The following KLF8 variants were observed in gnomAD, a reference collection of about 807,000 sequenced individuals.
KLF8 encodes Krueppel-like factor 8.
A neutral mutation model predicts 18.2 loss-of-function variants in KLF8; 10 were observed. That is an observed-to-expected ratio of 0.55 (90% confidence interval 0.34 to 0.93). The LOEUF (loss-of-function observed/expected upper bound fraction) is 0.93. Among genes scored for constraint, KLF8 ranks in the 40% least tolerant of loss-of-function variants. The probability of loss-of-function intolerance (pLI) is 0.02; values close to 1 mark genes in which losing one functional copy is unlikely to be tolerated. For missense variants in KLF8, 264 were observed against 277.9 expected, an observed-to-expected ratio of 0.95 and a Z score of 0.36; for synonymous variants, 109 against 97.3, an observed-to-expected ratio of 1.12 and a Z score of -0.71.
chrX:55,918,228 T>C, the KLF8 span, among the ~76,000 whole-genome samples: 1 of 111,805 alleles, frequency 8.9e-6, no homozygotes, highest in East Asian at 2.8e-4. Flanking sequence ...GCCTAGAACA[T>C]AGAAGGAACC....
chrX:56,235,533 C>T (rs2066463640), intron 1 of KLF8, among the ~76,000 whole-genome samples: 1 of 108,324 alleles, frequency 9.2e-6, no homozygotes, highest in African/African-American at 3.4e-5. Context: ...TCTCCTGCCT[C>T]AGCCTCCTGA....
the KLF8 span, among the ~76,000 whole-genome samples, chrX:55,983,539 G>A: frequency 9.0e-6 from 1 of 111,706 alleles, no homozygotes; most frequent in Non-Finnish European, 1.9e-5. Context: ...TCTACTCCAT[G>A]TCATACTTAC....
the KLF8 span, among the ~76,000 whole-genome samples, chrX:55,981,686 C>G: frequency 5.4e-5 from 6 of 112,039 alleles, no homozygotes; most frequent in South Asian, 2.2e-3. Flanking sequence ...ATCTTTCCCA[C>G]AGCCTTCTTT....
At chrX:55,987,352 C>T in the KLF8 span, among the ~76,000 whole-genome samples, 1 of 110,254 alleles carries the variant, frequency 9.1e-6, no homozygotes, top group Non-Finnish European at 1.9e-5. Context: ...CCTCCCCCCT[C>T]CCCCAACCCC....
the KLF8 span, among the ~76,000 whole-genome samples, chrX:56,059,188 T>C: frequency 1.8e-5 from 2 of 112,181 alleles, no homozygotes; most frequent in African/African-American, 6.5e-5. Context: ...GCCCACTTTA[T>C]GATGGGGTGG....
chrX:56,148,306 C>G, the KLF8 span, among the ~76,000 whole-genome samples: 1 of 111,533 alleles, frequency 9.0e-6, no homozygotes, highest in African/African-American at 3.3e-5. Flanking sequence ...CTTTTCTTTA[C>G]TGTTGTGTTC....
At chrX:56,242,163 C>G (rs2066554687) in intron 1 of KLF8, among the ~76,000 whole-genome samples, 1 of 111,904 alleles carries the variant, frequency 8.9e-6, no homozygotes, top group Non-Finnish European at 1.9e-5. Context: ...TAGCACATTC[C>G]AAGGTAATTT....
the KLF8 span, among the ~76,000 whole-genome samples, chrX:56,217,877 C>T: frequency 9.0e-6 from 1 of 111,319 alleles, no homozygotes; most frequent in Non-Finnish European, 1.9e-5. Flanking sequence ...TGAAGAAGGA[C>T]GAGTGGTGGG....
chrX:56,221,295 T>C, the KLF8 span, among the ~76,000 whole-genome samples: 1 of 111,947 alleles, frequency 8.9e-6, no homozygotes, highest in Non-Finnish European at 1.9e-5. Flanking sequence ...TAGAGGCGCC[T>C]CCCCTGGCCT....
the KLF8 span, among the ~76,000 whole-genome samples, chrX:56,199,902 T>TA: frequency 9.0e-6 from 1 of 111,176 alleles, no homozygotes; most frequent in Non-Finnish European, 1.9e-5. Flanking sequence ...TATGCAGCCA[T>TA]AAAAAAGGAT....
At chrX:55,969,750 G>A in the KLF8 span, among the ~76,000 whole-genome samples, 1 of 111,563 alleles carries the variant, frequency 9.0e-6, no homozygotes, top group East Asian at 2.8e-4. Context: ...AGATTTAAAA[G>A]CAGACATTAC....
the KLF8 span, among the ~76,000 whole-genome samples, chrX:55,977,203 T>G: frequency 1.8e-5 from 2 of 112,128 alleles, no homozygotes; most frequent in Admixed American, 9.5e-5. Flanking sequence ...TTTCTAATCT[T>G]AGAGAAAAAG....
At chrX:56,080,473 G>A in the KLF8 span, among the ~76,000 whole-genome samples, 1 of 110,876 alleles carries the variant, frequency 9.0e-6, no homozygotes, top group South Asian at 3.8e-4. Context: ...GTTGAATATT[G>A]GCCCCCATTC....
At chrX:56,137,789 AG>A in the KLF8 span, among the ~76,000 whole-genome samples, 15 of 108,467 alleles carry the variant, frequency 1.4e-4, no homozygotes, top group Non-Finnish European at 3.8e-5. Flanking sequence ...CAAAAAAAAA[AG>A]AAAAAAGAAA....
the KLF8 span, among the ~76,000 whole-genome samples, chrX:56,211,138 T>A: frequency 8.9e-6 from 1 of 112,034 alleles, no homozygotes; most frequent in African/African-American, 3.2e-5. Context: ...TTTATTGTAG[T>A]CTCCACTGTC....
chrX:56,175,673 G>C, the KLF8 span, among the ~76,000 whole-genome samples: 1 of 111,303 alleles, frequency 9.0e-6, no homozygotes, highest in Admixed American at 9.6e-5. Context: ...CTGTCTCATT[G>C]ATCTGTCAGA....
the KLF8 span, among the ~76,000 whole-genome samples, chrX:55,996,559 C>T: frequency 9.0e-6 from 1 of 111,181 alleles, no homozygotes; most frequent in East Asian, 2.8e-4. Context: ...TATTTGATGC[C>T]CTTGAGGGTT....
chrX:56,048,487 G>T, the KLF8 span, among the ~76,000 whole-genome samples: 1 of 111,614 alleles, frequency 9.0e-6, no homozygotes, highest in Non-Finnish European at 1.9e-5. Context: ...TCTACATATG[G>T]CTAGCCAGTT....
At chrX:56,213,638 C>T in the KLF8 span, among the ~76,000 whole-genome samples, 1 of 110,782 alleles carries the variant, frequency 9.0e-6, no homozygotes, top group East Asian at 2.8e-4. Flanking sequence ...TGACCTATTT[C>T]ATATGGGTCA....
Sources: allele counts gnomAD v4.1 joint callset (sites outside exome capture counted in the v4.1 genomes callset), GRCh38; gene constraint gnomAD v4.1.1; transcripts MANE v1.5; gene names NCBI Gene and HGNC (gene_info 2026-07-23, HGNC 2026-07-21).